GIT1: variants seen among roughly 807,000 people sequenced by gnomAD.
The protein encoded by GIT1 is ARF GTPase-activating protein GIT1.
Under a neutral mutation model 91.7 loss-of-function variants are expected in GIT1, and 14 were observed. The ratio of observed to expected loss-of-function variants is 0.15; its 90% confidence interval spans 0.10 to 0.24. The LOEUF (loss-of-function observed/expected upper bound fraction) is 0.24. Among genes scored for constraint, GIT1 ranks in the 10% least tolerant of loss-of-function variants. GIT1 has a pLI of 1.00. For missense variants in GIT1, 717 were observed against 1,024.9 expected, an observed-to-expected ratio of 0.70 and a Z score of 4.10; for synonymous variants, 414 against 418.2, an observed-to-expected ratio of 0.99 and a Z score of 0.12.
chr17:29,578,180 C>T (rs2033278306), intron 9 of GIT1, 119 bp downstream of exon 9: 2 of 825,316 alleles, frequency 2.4e-6, no homozygotes, highest in Non-Finnish European at 4.2e-6. Flanking sequence ...AGGGGCTCAT[C>T]TGCAGGCCTC....
chr17:29,576,331 G>T lies in GIT1; in HGVS notation c.1500C>A (p.His500Gln). 6.2e-7 allele frequency: 1 copy of T among 1,613,264 alleles called. No homozygotes were observed. The highest frequency in any genetic ancestry group is 8.5e-7 in the Non-Finnish European group (1 of 1,179,938). The change falls in exon 14 of 20, where the codon CAC becomes CAA. Residue 500 changes from histidine to glutamine, a missense_variant. By Grantham distance (24) the His-to-Gln change is conservative. Around this residue, in one of 3 missense-constraint regions of GIT1, gnomAD observed 312 missense variants for 349.5 expected, o/e 0.89. Transcript: ENST00000225394. ...TGGAAAAGGCCTGGCGATCCCTGCGGTGTGTGCTCCCGCCTGGCGCCATGG... is the reference window on the plus strand; with the variant it reads ...TGGAAAAGGCCTGGCGATCCCTGCGTTGTGTGCTCCCGCCTGGCGCCATGG... ...HTPMAPGGST[H>Q]RRDRQAFSMY...
chr17:29,586,752 G>A (rs2033606212), intron 1 of GIT1, among the ~76,000 whole-genome samples: 1 of 152,232 alleles, frequency 6.6e-6, no homozygotes, highest in Admixed American at 6.5e-5. Flanking sequence ...GGTGAGGAGA[G>A]GCCCTTGACT....
At chr17:29,583,060 G>A (rs752774232) in intron 2 of GIT1, 23 bp from the exon 3 acceptor site, 1 of 1,451,080 alleles carries the variant, frequency 6.9e-7, no homozygotes, top group Non-Finnish European at 9.6e-7. Flanking sequence ...GATGCCAAGT[G>A]AGAGAGTGCC....
chr17:29,577,810 C>T, intron 9 of GIT1, 68 bp from the exon 10 acceptor site: 1 of 943,534 alleles, frequency 1.1e-6, no homozygotes, highest in East Asian at 2.4e-5. Context: ...TGGGGAAGCA[C>T]TGAGCCCAGC....
rs531084004 is a variant in GIT1 at position 29,582,828 on chromosome 17, G to T, written c.300-25C>A. 26 of 1,594,296 alleles carry T rather than the reference G, an allele frequency of 1.6e-5. No individual in the cohort carries two copies. In the African/African-American group the frequency reaches 3.5e-4, roughly 21 times the overall value. On this transcript the variant is annotated intron_variant, in intron 3 of 19. Coordinates refer to ENST00000225394, the MANE Select transcript of GIT1 (RefSeq NM_014030.4). ...GCTGCATGGGGCACACAGGAGGAAT[G>T]GGGAGCATGGTGGGAGAGGGTGGTC... is the stretch of plus-strand genomic sequence containing the variant.
At chr17:29,576,029 G>C in intron 15 of GIT1, 49 bp downstream of exon 15, 5 of 1,594,218 alleles carry the variant, frequency 3.1e-6, no homozygotes, top group Middle Eastern at 1.7e-4. Context: ...AGAACCCCCT[G>C]GGGCTCAGAA....
In GIT1 at chr17:29,574,571, G is replaced by T; in HGVS notation, c.*131C>A. ...GGGGTGGGCACCAGGGCACCTGGCT[G>T]CCAGGGAGTGTGGCAGCACTAAGGG... On this transcript the variant is annotated 3_prime_UTR_variant, in exon 20 of 20. Coordinates refer to ENST00000225394, the MANE Select transcript of GIT1 (RefSeq NM_014030.4). The T allele has an allele frequency of 1.2e-6, 1 of 822,504 alleles. No homozygotes were observed. Among genetic ancestry groups the T allele is most frequent in the Non-Finnish European group, 2.1e-6 (1 of 487,460 alleles). The allele number at this position is 822,504 out of a possible 1,614,324, so 51.0% of individuals were successfully genotyped here.
Position 29,575,226 on chromosome 17 carries a change from TCTGCAACACCCTAGAAGCCAACAGGAA to T in GIT1, c.2009+35_2009+61del. The T allele has an allele frequency of 6.4e-7, 1 of 1,561,736 alleles. No individual in the cohort carries two copies. Among genetic ancestry groups the T allele is most frequent in the Non-Finnish European group, 8.7e-7 (1 of 1,145,696 alleles). On this transcript the variant is annotated intron_variant, in intron 18 of 19. Transcript: ENST00000225394. This position sits in a 1 kb window ranked among gnomAD's most constrained non-coding sequence, Gnocchi z 5.5. ...GCAGAACCCAGGGCCCCTCATGCTC[TCTGCAACACCCTAGAAGCCAACAGGAA>T]CTGCATCCCCCTCACCTCCCCCTCC...
Position 29,575,561 on chromosome 17 carries a change from C to T in GIT1, c.1826+69G>A. ...AGCCGCCCGCCTTGGTCCTCACACA[C>T]TGGGGGCCCTCTCAACCTCCCCGCC... On this transcript the variant is annotated intron_variant, in intron 17 of 19. Transcript: ENST00000225394. This position sits in a 1 kb window ranked among gnomAD's most constrained non-coding sequence, Gnocchi z 5.5. The T allele has an allele frequency of 6.4e-7, 1 of 1,564,786 alleles. No homozygotes were observed. Among genetic ancestry groups the T allele is most frequent in the African/African-American group, 1.4e-5 (1 of 74,052 alleles).
intron 1 of GIT1, among the ~76,000 whole-genome samples, chr17:29,588,887 C>T (rs1438623928): frequency 1.3e-5 from 2 of 152,340 alleles, no homozygotes; most frequent in Admixed American, 6.5e-5. Flanking sequence ...CCCCGGCAGG[C>T]GTACCGACCA....
intron 4 of GIT1, 65 bp from the exon 5 acceptor site, chr17:29,582,209 T>G: frequency 7.9e-7 from 1 of 1,266,004 alleles, no homozygotes; most frequent in Non-Finnish European, 1.1e-6. Flanking sequence ...ACCCACAAGC[T>G]GCACCCTGGC....
intron 1 of GIT1, among the ~76,000 whole-genome samples, chr17:29,584,725 G>C (rs973650535): frequency 4.6e-5 from 7 of 152,192 alleles, no homozygotes; most frequent in Non-Finnish European, 7.3e-5. Flanking sequence ...GTAGCGCTCA[G>C]GGTGTTCAGA....
At chr17:29,577,542 G>A (rs2033255280) in intron 10 of GIT1, 103 bp downstream of exon 10, 2 of 815,566 alleles carry the variant, frequency 2.5e-6, no homozygotes, top group African/African-American at 3.3e-5. Flanking sequence ...GGGAGGCCCT[G>A]GCAAATGCTG....
At chr17:29,588,194 A>C (rs2033661901) in intron 1 of GIT1, among the ~76,000 whole-genome samples, 1 of 152,198 alleles carries the variant, frequency 6.6e-6, no homozygotes, top group South Asian at 2.1e-4. Context: ...CCAGCACCCC[A>C]TACTCTCACT....
At chr17:29,578,078 C>A (rs2033274582) in intron 9 of GIT1, among the ~76,000 whole-genome samples, 1 of 152,192 alleles carries the variant, frequency 6.6e-6, no homozygotes, top group South Asian at 2.1e-4. Context: ...AAGAGGAGCC[C>A]CAGTCTGAGG....
chr17:29,574,237 G>A lies in GIT1; in HGVS notation c.*465C>T, dbSNP rs2033099271. 1 of 165,138 alleles carries A rather than the reference G, an allele frequency of 6.1e-6. No individual in the cohort carries two copies. The highest frequency in any genetic ancestry group is 6.1e-5 in the Admixed American group (1 of 16,370). The allele number at this position is 165,138 out of a possible 1,614,324, so 10.2% of individuals were successfully genotyped here. On this transcript the variant is annotated 3_prime_UTR_variant, in exon 20 of 20. Coordinates refer to ENST00000225394, the MANE Select transcript of GIT1 (RefSeq NM_014030.4). ...ATGGCATTAAAGGGAGAGCAGCAAG[G>A]GGCTGGTGGCTACAGGGCAGGGACA...
At chr17:29,582,251 G>A (rs1598574830) in intron 4 of GIT1, 107 bp from the exon 5 acceptor site, 2 of 803,070 alleles carry the variant, frequency 2.5e-6, no homozygotes, top group Non-Finnish European at 2.0e-6. Flanking sequence ...CTCCAAGGAG[G>A]CCTGCCCAAA....
rs759105143 is a variant in GIT1, at chr17:29,577,748, G to C, written c.884-6C>G. ...GTTTTGGGTAGCCAGCCACACTGTA[G>C]GGGACGGACAGGAGCAGATCAGCCA... On this transcript the variant is annotated splice_region_variant and splice_polypyrimidine_tract_variant and intron_variant, in intron 9 of 19. Coordinates refer to ENST00000225394, the MANE Select transcript of GIT1 (RefSeq NM_014030.4). The C allele has an allele frequency of 4.4e-6, 7 of 1,583,824 alleles. No individual in the cohort carries two copies. The highest frequency in any genetic ancestry group is 1.7e-4 in the Middle Eastern group (1 of 6,010).
At chr17:29,585,839 C>A (rs943842812) in intron 1 of GIT1, among the ~76,000 whole-genome samples, 2 of 152,060 alleles carry the variant, frequency 1.3e-5, no homozygotes, top group Non-Finnish European at 2.9e-5. Flanking sequence ...CAGCCCTCCC[C>A]CTGCGCTTCT....
Sources: allele counts gnomAD v4.1 joint callset (sites outside exome capture counted in the v4.1 genomes callset), GRCh38; gene constraint gnomAD v4.1.1; regional missense constraint gnomAD v4.1.1; non-coding constraint Gnocchi (gnomAD v3.1); transcripts MANE v1.5; gene names NCBI Gene and HGNC (gene_info 2026-07-23, HGNC 2026-07-21).